Variants in TMEM108 observed in about 807,000 individuals in gnomAD.
TMEM108 encodes the protein cancer/testis antigen 124.
TMEM108 carries 12 observed loss-of-function variants against 35.1 expected under a neutral mutation model. The ratio of observed to expected loss-of-function variants is 0.34; its 90% CI spans 0.22 to 0.55. The LOEUF is 0.55. Ranked by LOEUF, TMEM108 falls within the 20% of genes least tolerant of loss-of-function variation. The pLI is 0.89. For missense variants in TMEM108, 680 were observed against 753.3 expected (o/e 0.90, Z 1.14); for synonymous variants, 287 against 308.6 (o/e 0.93, Z 0.73).
intron 2 of TMEM108, among the ~76,000 whole-genome samples, chr3:133,207,536 T>A (rs975778846): frequency 5.9e-5 from 9 of 151,988 alleles, no homozygotes; most frequent in Admixed American, 5.2e-4. Context: ...TAAAGTTTTT[T>A]AGGTTCTGGA....
intron 3 of TMEM108, among the ~76,000 whole-genome samples, chr3:133,317,870 T>C (rs1445882748): frequency 6.6e-6 from 1 of 152,104 alleles, no homozygotes; most frequent in Non-Finnish European, 1.5e-5. Context: ...ATGTATAGTA[T>C]GTTAGATAGG....
intron 3 of TMEM108, among the ~76,000 whole-genome samples, 154 bp downstream of exon 3, chr3:133,229,505 G>A (rs201464284): frequency 9.2e-5 from 14 of 152,270 alleles, no homozygotes; most frequent in East Asian, 7.7e-4. Flanking sequence ...AGTATCAAGC[G>A]TTAAGTCATT....
At chr3:133,276,910 G>T (rs1387545810) in intron 3 of TMEM108, among the ~76,000 whole-genome samples, 1 of 152,170 alleles carries the variant, frequency 6.6e-6, no homozygotes, top group Non-Finnish European at 1.5e-5. Context: ...GCAGAAGCAG[G>T]TGGCAAATTT....
chr3:133,206,679 G>A (rs1245144539), intron 2 of TMEM108, among the ~76,000 whole-genome samples: 4 of 152,188 alleles, frequency 2.6e-5, no homozygotes, highest in African/African-American at 9.7e-5. Context: ...TGGAAGCTTT[G>A]TCCCAGAGGG....
chr3:133,397,351 T>C lies in TMEM108; in HGVS notation c.*1365T>C, dbSNP rs903266685. ...TTGGGTCATATGTTTGTGTTGTTGC[T>C]GTAGTCTATCATGACTTTTTTCTTT... On this transcript the variant is annotated 3_prime_UTR_variant, in exon 6 of 6. Transcript: ENST00000321871. The C allele has an allele frequency of 6.6e-6, 1 of 152,010 alleles. No individual in the cohort carries two copies. Among genetic ancestry groups the C allele is most frequent in the Non-Finnish European group, 1.5e-5 (1 of 68,036 alleles). 9.4% of individuals were successfully genotyped at this position (152,010 alleles called of 1,614,324 possible).
At chr3:133,107,980 C>G (rs1212587160) in intron 2 of TMEM108, among the ~76,000 whole-genome samples, 3 of 152,104 alleles carry the variant, frequency 2.0e-5, no homozygotes, top group Non-Finnish European at 4.4e-5. Flanking sequence ...GCCTGTAATC[C>G]CAGCACTTTG....
At chr3:133,166,824 T>C (rs9817226) in intron 2 of TMEM108, among the ~76,000 whole-genome samples, 55,417 of 152,004 alleles carry the variant, frequency 0.36, 10,351 homozygotes, top group African/African-American at 0.43. Flanking sequence ...GGCACCTGAG[T>C]GGGTTGCTGC....
rs770584065 is a variant in TMEM108 at position 133,379,873 on chromosome 3, C to T, written c.162C>T (p.Pro54=). 3 of 1,614,038 alleles carry T rather than the reference C, an allele frequency of 1.9e-6. No individual in the cohort carries two copies. Among genetic ancestry groups the T allele is most frequent in the South Asian group, 2.2e-5 (2 of 91,076 alleles). ...CCCCGGGAACCATGGTGACAGCACCCCACAGCTCTACCAGACATACTTCTG... is the reference window on the plus strand; with the variant it reads ...CCCCGGGAACCATGGTGACAGCACCTCACAGCTCTACCAGACATACTTCTG... ...GTPPGTMVTA[P]HSSTRHTSVV... Residue 54 remains proline, a synonymous_variant, in exon 4 of 6, where the codon CCC becomes CCT. Transcript: ENST00000321871.
chr3:133,358,157 G>C (rs1026014420), intron 3 of TMEM108, among the ~76,000 whole-genome samples: 3 of 129,064 alleles, frequency 2.3e-5, no homozygotes, highest in Non-Finnish European at 3.2e-5. Flanking sequence ...AAGCTATTAA[G>C]GAGTCTATGG....
At chr3:133,257,954 T>C (rs990315285) in intron 3 of TMEM108, among the ~76,000 whole-genome samples, 1 of 152,154 alleles carries the variant, frequency 6.6e-6, no homozygotes, top group African/African-American at 2.4e-5. Flanking sequence ...GGGAGATGGG[T>C]AGGACAGGAT....
chr3:133,171,790 A>G (rs1373659048), intron 2 of TMEM108, among the ~76,000 whole-genome samples: 2 of 152,236 alleles, frequency 1.3e-5, no homozygotes, highest in Non-Finnish European at 2.9e-5. Context: ...GACTCCATTA[A>G]GTTACACATT....
At chr3:133,067,788 T>C (rs1377327241) in intron 2 of TMEM108, among the ~76,000 whole-genome samples, 2 of 152,172 alleles carry the variant, frequency 1.3e-5, no homozygotes, top group Non-Finnish European at 2.9e-5. Context: ...AAATGAACTT[T>C]AGCTGGTGTC....
chr3:133,177,416 A>T (rs12695588), intron 2 of TMEM108, among the ~76,000 whole-genome samples: 41,441 of 152,130 alleles, frequency 0.27, 5,913 homozygotes, highest in Middle Eastern at 0.38. Context: ...AAAAATCCTC[A>T]ATAAAATACT....
At chr3:133,040,175 CTT>C (rs1357542622) in intron 1 of TMEM108, among the ~76,000 whole-genome samples, 1 of 150,242 alleles carries the variant, frequency 6.7e-6, no homozygotes, top group Non-Finnish European at 1.5e-5. Context: ...AATTTAAAAA[CTT>C]TATCACAGTT....
chr3:133,228,447 G>A (rs1374644035), intron 2 of TMEM108, among the ~76,000 whole-genome samples: 2 of 152,072 alleles, frequency 1.3e-5, no homozygotes, highest in Non-Finnish European at 2.9e-5. Context: ...TTGGTGAGGA[G>A]CAATTTGGTA....
Position 133,238,634 on chromosome 3 carries a change from A to C in TMEM108, c.40+9283A>C, listed in dbSNP as rs907350585. Among the ~76,000 whole-genome samples the C allele has an allele frequency of 2.0e-5, 3 of 152,164 alleles. No homozygotes were observed. The South Asian group carries it at 6.2e-4, about 32-fold the overall frequency. On this transcript the variant is annotated intron_variant, in intron 3 of 5. Transcript: ENST00000321871. The stretch of plus-strand genomic sequence containing the variant: ...TAGGTGGGCCTCATGGAACAAAAGA[A>C]TTTCCCTTCAGAAACTAGAGAGAGA...
intron 2 of TMEM108, among the ~76,000 whole-genome samples, chr3:133,129,692 T>C (rs1017707555): frequency 3.9e-5 from 6 of 152,128 alleles, no homozygotes; most frequent in African/African-American, 7.2e-5. Context: ...GTCTATTATA[T>C]ACCAGGCATG....
At chr3:133,055,021 A>G (rs1185994460) in intron 2 of TMEM108, among the ~76,000 whole-genome samples, 1 of 152,196 alleles carries the variant, frequency 6.6e-6, no homozygotes, top group Non-Finnish European at 1.5e-5. Context: ...ATTGGGATCA[A>G]CTTTCTCAAC....
chr3:133,306,487 G>A (rs1380252875), intron 3 of TMEM108, among the ~76,000 whole-genome samples: 1 of 152,086 alleles, frequency 6.6e-6, no homozygotes, highest in Non-Finnish European at 1.5e-5. Flanking sequence ...ATTTACATTA[G>A]GTATTTCTCC....
Sources: gnomAD v4.1 joint callset for allele counts (sites outside exome capture counted in the v4.1 genomes callset) on GRCh38, gnomAD v4.1.1 for gene constraint, MANE v1.5 for transcripts, NCBI Gene and HGNC (gene_info 2026-07-23, HGNC 2026-07-21) for gene names.